The following PTPRT variants were observed in gnomAD, a reference collection of about 807,000 sequenced individuals.
PTPRT encodes the protein protein tyrosine phosphatase receptor type T, also known as receptor-type tyrosine-protein phosphatase T.
Under a neutral mutation model 176.8 loss-of-function variants are expected in PTPRT, and 56 were observed. The observed-to-expected ratio is 0.32, with a 90% CI of 0.26 to 0.40. PTPRT has a LOEUF of 0.40. Among genes scored for constraint, PTPRT ranks in the 10% least tolerant of loss-of-function variants. The pLI, the probability that PTPRT is intolerant of heterozygous loss-of-function variation, is 1.00. For synonymous variants in PTPRT, 783 were observed against 739.0 expected (o/e 1.06, Z -0.96); for missense variants, 1,540 against 1,908.2 (o/e 0.81, Z 3.60).
At chr20:42,820,316 C>T (rs572363143) in intron 2 of PTPRT, among the ~76,000 whole-genome samples, 1 of 152,148 alleles carries the variant, frequency 6.6e-6, no homozygotes, top group Non-Finnish European at 1.5e-5. Context: ...TCCTGAATGA[C>T]TCCTGGGTAA....
intron 1 of PTPRT, among the ~76,000 whole-genome samples, chr20:43,054,660 C>G (rs569962894): frequency 6.6e-6 from 1 of 151,662 alleles, no homozygotes; most frequent in Non-Finnish European, 1.5e-5. Context: ...TTTCTGGAAT[C>G]CTGAACACAC....
intron 1 of PTPRT, among the ~76,000 whole-genome samples, chr20:43,058,603 G>A (rs894054338): frequency 3.9e-5 from 6 of 152,144 alleles, no homozygotes; most frequent in African/African-American, 1.4e-4. Context: ...TGAACAATAT[G>A]TCATTAAGCA....
At chr20:42,960,719 G>A (rs1981937436) in intron 1 of PTPRT, among the ~76,000 whole-genome samples, 1 of 152,048 alleles carries the variant, frequency 6.6e-6, no homozygotes. Flanking sequence ...AAGCAACTGG[G>A]TTGCTAAACA....
chr20:42,452,217 C>A (rs898219648), intron 8 of PTPRT, among the ~76,000 whole-genome samples: 12 of 150,500 alleles, frequency 8.0e-5, no homozygotes, highest in Admixed American at 5.3e-4. Flanking sequence ...TGCAGTGAGC[C>A]GAGACCATGC....
At chr20:43,176,460 G>A (rs553034155) in intron 1 of PTPRT, among the ~76,000 whole-genome samples, 1 of 152,152 alleles carries the variant, frequency 6.6e-6, no homozygotes, top group Admixed American at 6.5e-5. Flanking sequence ...TAACACCTAG[G>A]TTCTTCTCCA....
At chr20:42,576,348 TGGAA>T (rs2073260241) in intron 7 of PTPRT, among the ~76,000 whole-genome samples, 1 of 152,306 alleles carries the variant, frequency 6.6e-6, no homozygotes, top group Admixed American at 6.5e-5. Flanking sequence ...CCTGAACATC[TGGAA>T]GGGAGTCGTG....
intron 7 of PTPRT, among the ~76,000 whole-genome samples, chr20:42,546,974 A>C (rs2145599693): frequency 6.6e-6 from 1 of 152,332 alleles, no homozygotes; most frequent in Admixed American, 6.5e-5. Context: ...AGAATTACTG[A>C]AACGTAACAC....
intron 7 of PTPRT, among the ~76,000 whole-genome samples, chr20:42,613,707 C>A (rs2074013873): frequency 3.3e-5 from 5 of 152,170 alleles, no homozygotes; most frequent in Admixed American, 2.6e-4. Context: ...ATGAGCTACT[C>A]ACAATTACAA....
intron 1 of PTPRT, among the ~76,000 whole-genome samples, chr20:42,905,768 G>A (rs1351233517): frequency 3.3e-5 from 5 of 152,204 alleles, no homozygotes; most frequent in African/African-American, 1.2e-4. Context: ...TCCTTTGTAG[G>A]GTCATGGATG....
intron 7 of PTPRT, among the ~76,000 whole-genome samples, chr20:42,499,418 A>G (rs2071711955): frequency 6.6e-6 from 1 of 151,420 alleles, no homozygotes; most frequent in Admixed American, 6.6e-5. Flanking sequence ...CAGCCTCCTG[A>G]GTAGCTGGGA....
At chr20:42,326,490 T>A (rs1160834412) in intron 11 of PTPRT, among the ~76,000 whole-genome samples, 1 of 152,158 alleles carries the variant, frequency 6.6e-6, no homozygotes, top group Non-Finnish European at 1.5e-5. Flanking sequence ...AGTAAAGTAG[T>A]TTTGTAGAAG....
At chr20:42,188,957 T>C (rs1326323959) in intron 16 of PTPRT, among the ~76,000 whole-genome samples, 2 of 152,174 alleles carry the variant, frequency 1.3e-5, no homozygotes, top group Admixed American at 6.5e-5. Flanking sequence ...GAAAGCTGGA[T>C]CTATACAACT....
At chr20:42,826,344 A>C (rs2077992919) in intron 2 of PTPRT, among the ~76,000 whole-genome samples, 1 of 152,216 alleles carries the variant, frequency 6.6e-6, no homozygotes, top group Non-Finnish European at 1.5e-5. Context: ...ATCCATAAAA[A>C]TCCAGTTTAC....
chr20:42,588,330 G>A (rs1165722317), intron 7 of PTPRT, among the ~76,000 whole-genome samples: 1 of 152,130 alleles, frequency 6.6e-6, no homozygotes, highest in East Asian at 1.9e-4. Flanking sequence ...AGTAATCCCA[G>A]CTACTCAGGA....
chr20:42,191,491 C>T (rs528153181), intron 16 of PTPRT, among the ~76,000 whole-genome samples: 140 of 152,298 alleles, frequency 9.2e-4, no homozygotes, highest in African/African-American at 2.9e-3. Context: ...CCACACATTC[C>T]GTGGGCATGG....
chr20:42,294,307 C>T (rs183099077), intron 12 of PTPRT, among the ~76,000 whole-genome samples: 14 of 152,044 alleles, frequency 9.2e-5, no homozygotes, highest in Non-Finnish European at 1.9e-4. Flanking sequence ...ACATGTGACT[C>T]AAGGTGGTAG....
chr20:42,164,361 T>C (rs1283896744), intron 16 of PTPRT, among the ~76,000 whole-genome samples: 1 of 152,230 alleles, frequency 6.6e-6, no homozygotes, highest in African/African-American at 2.4e-5. Context: ...CTAGACAGAC[T>C]GTAAACTTGG....
intron 7 of PTPRT, among the ~76,000 whole-genome samples, chr20:42,520,846 T>TAGATAGAC (rs2072159661): frequency 1.5e-5 from 1 of 64,676 alleles, no homozygotes; most frequent in Admixed American, 1.3e-4. Context: ...TGTGTGTAGA[T>TAGATAGAC]AGATAGATAG....
chr20:43,150,398 C>G (rs2014312569), intron 1 of PTPRT, among the ~76,000 whole-genome samples: 1 of 152,186 alleles, frequency 6.6e-6, no homozygotes, highest in South Asian at 2.1e-4. Context: ...TTTCTGGGGC[C>G]AACTTTGCTT....
Sources: allele counts gnomAD v4.1 joint callset (sites outside exome capture counted in the v4.1 genomes callset), GRCh38; gene constraint gnomAD v4.1.1; transcripts MANE v1.5; gene names NCBI Gene and HGNC (gene_info 2026-07-23, HGNC 2026-07-21).